PRKCA: variants seen among roughly 807,000 people sequenced by gnomAD.
PRKCA encodes protein kinase C alpha type.
Under a neutral mutation model 87.0 loss-of-function variants are expected in PRKCA, and 27 were observed. The ratio of observed to expected loss-of-function variants is 0.31; its 90% CI spans 0.23 to 0.43. The LOEUF is 0.43. Ranked by LOEUF, PRKCA falls within the 20% of genes least tolerant of loss-of-function variation. The pLI, the probability that PRKCA is intolerant of heterozygous loss-of-function variation, is 1.00. For synonymous variants in PRKCA, 329 were observed against 311.1 expected (o/e 1.06, Z -0.61); for missense variants, 518 against 852.3 (o/e 0.61, Z 4.88).
intron 2 of PRKCA, among the ~76,000 whole-genome samples, chr17:66,426,420 C>T (rs1912810516): frequency 1.3e-5 from 2 of 152,142 alleles, no homozygotes; most frequent in Non-Finnish European, 2.9e-5. Context: ...AGTGATTATA[C>T]AGGAGCAAGA....
chr17:66,509,575 C>T (rs1332133244), intron 3 of PRKCA, among the ~76,000 whole-genome samples: 2 of 152,148 alleles, frequency 1.3e-5, no homozygotes, highest in Admixed American at 6.5e-5. Context: ...TCCACCTGCA[C>T]TAGGAAGGAC....
rs79148490 is a variant in PRKCA at position 66,804,312 on chromosome 17, A to G, written c.*275A>G. ...TGGCTCTAGGTTAACCCTTCCTAGA[A>G]AGCAAGCAGACTGTTGCCCCATTTT... On this transcript the variant is annotated 3_prime_UTR_variant, in exon 17 of 17. Transcript: ENST00000413366. 0.019 allele frequency: 6,241 copies of G among 327,070 alleles called. 350 individuals are homozygous for G. Among genetic ancestry groups the G allele is most frequent in the African/African-American group, 0.12 (5,641 of 47,208 alleles). 20.3% of individuals were successfully genotyped at this position (327,070 alleles called of 1,614,324 possible). A position where few individuals can be genotyped will look rare whatever the true frequency, so the allele number is the denominator to read the frequency against.
chr17:66,438,475 C>A (rs1428742026), intron 2 of PRKCA, among the ~76,000 whole-genome samples: 1 of 152,074 alleles, frequency 6.6e-6, no homozygotes, highest in Non-Finnish European at 1.5e-5. Flanking sequence ...TAATGGAGAG[C>A]TTTAGGAAAC....
intron 3 of PRKCA, among the ~76,000 whole-genome samples, chr17:66,618,962 G>A (rs1970592914): frequency 6.6e-6 from 1 of 152,046 alleles, no homozygotes; most frequent in Non-Finnish European, 1.5e-5. Flanking sequence ...AAATAGATGA[G>A]GAGGGGGAAC....
chr17:66,774,385 C>G (rs1038772298), intron 14 of PRKCA: 1 of 1,126,992 alleles, frequency 8.9e-7, no homozygotes, highest in Non-Finnish European at 1.1e-6. Flanking sequence ...CTTTCAGAAG[C>G]CAAGGCAGGC....
rs371189939 is a variant in PRKCA, at chr17:66,735,638, G to A, written c.1206G>A (p.Gln402=). ...TTGACAAACCCCCGTTCTTGACGCA[G>A]CTGCACTCCTGCTTCCAGACAGTGG... ...ALLDKPPFLT[Q]LHSCFQTVDR... Residue 402 remains glutamine, a synonymous_variant, in exon 10 of 17, where the codon CAG becomes CAA. Transcript: ENST00000413366. 2.5e-6 allele frequency: 4 copies of A among 1,614,032 alleles called. No individual in the cohort carries two copies. In the African/African-American group the frequency reaches 5.3e-5, roughly 22 times the overall value.
chr17:66,467,422 A>G (rs1915133212), intron 2 of PRKCA, among the ~76,000 whole-genome samples: 1 of 152,202 alleles, frequency 6.6e-6, no homozygotes, highest in African/African-American at 2.4e-5. Context: ...ATGGCTTTTG[A>G]CTAAATAATA....
chr17:66,495,113 A>AC (rs941618475), intron 2 of PRKCA, among the ~76,000 whole-genome samples: 25 of 151,760 alleles, frequency 1.6e-4, no homozygotes, highest in African/African-American at 4.8e-4. Context: ...AAAAAAAAAA[A>AC]AAAACTCTTA....
intron 2 of PRKCA, among the ~76,000 whole-genome samples, chr17:66,327,180 C>T (rs1906029931): frequency 6.6e-6 from 1 of 151,904 alleles, no homozygotes; most frequent in Admixed American, 6.6e-5. Flanking sequence ...TCCTGGCTAA[C>T]ATGGTGAAAC....
chr17:66,684,153 G>T (rs1972564379), intron 5 of PRKCA, among the ~76,000 whole-genome samples: 1 of 152,176 alleles, frequency 6.6e-6, no homozygotes, highest in Non-Finnish European at 1.5e-5. Context: ...TAAGCTGTTG[G>T]TGCAGTTTCT....
At chr17:66,797,630 G>A (rs142932296) in intron 16 of PRKCA, among the ~76,000 whole-genome samples, 2 of 152,256 alleles carry the variant, frequency 1.3e-5, no homozygotes, top group East Asian at 1.9e-4. Flanking sequence ...TCTTACCTTC[G>A]CAGAGAGATG....
intron 2 of PRKCA, among the ~76,000 whole-genome samples, chr17:66,392,534 T>C (rs1910426106): frequency 6.6e-6 from 1 of 152,198 alleles, no homozygotes; most frequent in Non-Finnish European, 1.5e-5. Flanking sequence ...ACCACACTTA[T>C]TATTTCCTTA....
chr17:66,726,562 C>T (rs1380914803), intron 8 of PRKCA, among the ~76,000 whole-genome samples: 1 of 152,082 alleles, frequency 6.6e-6, no homozygotes, highest in African/African-American at 2.4e-5. Context: ...AGGCAGGAGA[C>T]AGGTGGGAGC....
chr17:66,459,902 A>C (rs1382693465), intron 2 of PRKCA, among the ~76,000 whole-genome samples: 1 of 152,090 alleles, frequency 6.6e-6, no homozygotes, highest in South Asian at 2.1e-4. Flanking sequence ...TCAGGGTTAC[A>C]TGGTACATGT....
At chr17:66,667,687 A>G (rs746957807) in intron 5 of PRKCA, among the ~76,000 whole-genome samples, 2 of 152,206 alleles carry the variant, frequency 1.3e-5, no homozygotes, top group African/African-American at 2.4e-5. Context: ...GGACAAGTTA[A>G]CAACATGAAA....
chr17:66,377,858 T>A (rs1909558852), intron 2 of PRKCA, among the ~76,000 whole-genome samples: 1 of 151,134 alleles, frequency 6.6e-6, no homozygotes, highest in African/African-American at 2.4e-5. Flanking sequence ...TGGCCTCAAG[T>A]GATCCTCCCC....
chr17:66,800,813 G>C (rs1462780787), intron 16 of PRKCA, among the ~76,000 whole-genome samples: 3 of 152,228 alleles, frequency 2.0e-5, no homozygotes, highest in African/African-American at 7.2e-5. Flanking sequence ...GAAATGGGGA[G>C]AGAACATTTT....
intron 1 of PRKCA, 96 bp from the exon 2 acceptor site, chr17:66,306,000 C>T: frequency 1.8e-6 from 2 of 1,113,990 alleles, no homozygotes; most frequent in Admixed American, 1.8e-5. Flanking sequence ...ACATACAAAC[C>T]TTTAGTGGTA....
At chr17:66,610,747 G>T (rs1164172234) in intron 3 of PRKCA, among the ~76,000 whole-genome samples, 1 of 152,196 alleles carries the variant, frequency 6.6e-6, no homozygotes, top group African/African-American at 2.4e-5. Context: ...CTCAGTTCCT[G>T]TCTCTGTGTC....
Sources: allele counts gnomAD v4.1 joint callset (sites outside exome capture counted in the v4.1 genomes callset), GRCh38; gene constraint gnomAD v4.1.1; transcripts MANE v1.5; gene names NCBI Gene and HGNC (gene_info 2026-07-23, HGNC 2026-07-21).